ZNF544: variants seen among roughly 807,000 people sequenced by gnomAD.
ZNF544 encodes zinc finger protein AF020591.
Under a neutral mutation model 13.5 loss-of-function variants are expected in ZNF544, and 10 were observed. The ratio of observed to expected loss-of-function variants is 0.74; its 90% confidence interval spans 0.46 to 1.25. ZNF544 has a LOEUF of 1.25. ZNF544 is among the 50% of genes most tolerant of loss of function. The pLI is 0.00. For missense variants in ZNF544, 896 were observed against 845.6 expected (o/e 1.06, Z -0.74); for synonymous variants, 323 against 300.5 (o/e 1.07, Z -0.77).
intron 6 of ZNF544, among the ~76,000 whole-genome samples, chr19:58,255,483 T>C (rs2047097060): frequency 6.6e-6 from 1 of 152,040 alleles, no homozygotes; most frequent in Non-Finnish European, 1.5e-5. Flanking sequence ...CTGGCTGGGG[T>C]TGAGAATTTC....
At position 58,262,414 on chromosome 19, in the gene ZNF544, C is replaced by A; in HGVS notation, c.1808C>A (p.Pro603His). Residue 603 changes from proline (P) to histidine (H), a missense_variant, in exon 7 of 7, where the codon CCC becomes CAC. Physicochemically the swap from Pro to His is moderately conservative, Grantham distance 77. Coordinates refer to ENST00000687789, the MANE Select transcript of ZNF544 (RefSeq NM_014480.4). ...AAAAGAACTCACACTGGAGAAAAGC[C>A]CTATGAATGTAACGAGTGTGGAAAA... is the stretch of plus-strand genomic sequence containing the variant. ...AHKRTHTGEK[P>H]YECNECGKAF... 6.2e-7 allele frequency: 1 copy of A among 1,614,180 alleles called. No homozygotes were observed. The highest frequency in any genetic ancestry group is 8.5e-7 in the Non-Finnish European group (1 of 1,180,030).
At chr19:58,246,512 G>A in intron 5 of ZNF544, 85 bp downstream of exon 5, 1 of 1,561,128 alleles carries the variant, frequency 6.4e-7, no homozygotes, top group Non-Finnish European at 8.7e-7. Flanking sequence ...GGGATGTGCT[G>A]GAAGATACTG....
Position 58,262,959 on chromosome 19 carries a change from G to GT in ZNF544, c.*206dup, listed in dbSNP as rs1290275551. ...GCCTTCAATGATCGCTCAACCCTTA[G>GT]TAAACACGAGAGGACACACACTGGA... On this transcript the variant is annotated 3_prime_UTR_variant, in exon 7 of 7. Coordinates refer to ENST00000687789, the MANE Select transcript of ZNF544 (RefSeq NM_014480.4). The GT allele has an allele frequency of 4.8e-5, 66 of 1,370,838 alleles. No homozygotes were observed. The highest frequency in any genetic ancestry group is 6.0e-5 in the Non-Finnish European group (64 of 1,062,348). The allele number at this position is 1,370,838 out of a possible 1,614,324, so 84.9% of individuals were successfully genotyped here. A position where few individuals can be genotyped will look rare whatever the true frequency, so the allele number is the denominator to read the frequency against.
chr19:58,235,269 A>G (rs1284935725), intron 3 of ZNF544, among the ~76,000 whole-genome samples: 1 of 152,234 alleles, frequency 6.6e-6, no homozygotes, highest in Non-Finnish European at 1.5e-5. Flanking sequence ...TTGTATATGT[A>G]AATATATCTA....
intron 5 of ZNF544, chr19:58,276,275 T>C (rs1339285261): frequency 9.6e-7 from 1 of 1,042,264 alleles, no homozygotes. Context: ...TGGTGGCCAC[T>C]GTGCAGGGGA....
At chr19:58,238,043 C>T (rs2042801692) in intron 3 of ZNF544, among the ~76,000 whole-genome samples, 2 of 152,216 alleles carry the variant, frequency 1.3e-5, no homozygotes, top group African/African-American at 4.8e-5. Flanking sequence ...AGTGATTCTC[C>T]TGCCTCAGCC....
intron 3 of ZNF544, among the ~76,000 whole-genome samples, chr19:58,241,144 A>AATATATATATATTTTAATAT: frequency 1.4e-5 from 1 of 73,762 alleles, no homozygotes; most frequent in African/African-American, 5.4e-5. Context: ...GCCAATTTAA[A>AATATATATATATTTTAATAT]ATATATATAT....
At chr19:58,240,934 C>T (rs944026710) in intron 3 of ZNF544, among the ~76,000 whole-genome samples, 5 of 149,918 alleles carry the variant, frequency 3.3e-5, no homozygotes, top group Admixed American at 1.3e-4. Flanking sequence ...TTCTTTTTCT[C>T]CTTCTGTTTC....
Position 58,243,963 on chromosome 19 carries a change from A to G in ZNF544, c.-59-2A>G. ...TGAATCTCTGCTTGTTTTCCACCCC[A>G]GACTGGTCTTCTGAGGACCTCTGCC... is the stretch of plus-strand genomic sequence containing the variant. On this transcript the variant is annotated splice_acceptor_variant, in intron 3 of 6. Coordinates refer to ENST00000687789, the MANE Select transcript of ZNF544 (RefSeq NM_014480.4). LOFTEE classifies it low-confidence loss of function (5UTR_SPLICE). The G allele has an allele frequency of 6.4e-7, 1 of 1,568,182 alleles. No individual in the cohort carries two copies. Among genetic ancestry groups the G allele is most frequent in the East Asian group, 2.4e-5 (1 of 41,858 alleles).
chr19:58,236,836 G>C (rs1056542315), intron 3 of ZNF544, among the ~76,000 whole-genome samples: 2 of 151,536 alleles, frequency 1.3e-5, no homozygotes, highest in African/African-American at 4.9e-5. Context: ...CCATTCCCCG[G>C]GTTCAAACAA....
chr19:58,274,315 G>T (rs2051052436), intron 5 of ZNF544, among the ~76,000 whole-genome samples: 1 of 152,086 alleles, frequency 6.6e-6, no homozygotes, highest in Admixed American at 6.6e-5. Flanking sequence ...CTGAAATGAG[G>T]TCATTAGAGT....
intron 6 of ZNF544, chr19:58,247,662 C>T (rs1459131364): frequency 1.3e-5 from 2 of 152,110 alleles, no homozygotes; most frequent in Non-Finnish European, 2.9e-5. Flanking sequence ...TCCCAAAGTG[C>T]CGGGATTACA....
downstream of ZNF544, chr19:58,267,676 TA>T (rs56839702): frequency 2.7e-4 from 29 of 108,956 alleles, no homozygotes; most frequent in Non-Finnish European, 3.4e-4. Context: ...AGACTCCATC[TA>T]AAAAAAAAAA....
In ZNF544 at chr19:58,262,818, C is replaced by T; in HGVS notation, c.*64C>T. The T allele has an allele frequency of 1.3e-6, 2 of 1,530,602 alleles. No individual in the cohort carries two copies. The highest frequency in any genetic ancestry group is 1.3e-5 in the South Asian group (1 of 76,846). 94.8% of individuals were successfully genotyped at this position (1,530,602 alleles called of 1,614,324 possible). A position where few individuals can be genotyped will look rare whatever the true frequency, so the allele number is the denominator to read the frequency against. On this transcript the variant is annotated 3_prime_UTR_variant, in exon 7 of 7. Transcript: ENST00000687789. ...TCCCCTCATCATGCACCAGAGGACGCATGTCGGTGGGAAGAGCTATCAGTG... is the reference window on the plus strand; with the variant it reads ...TCCCCTCATCATGCACCAGAGGACGTATGTCGGTGGGAAGAGCTATCAGTG...
intron 1 of ZNF544, 65 bp from the exon 2 acceptor site, chr19:58,229,403 G>T (rs556747500): frequency 6.6e-6 from 1 of 152,230 alleles, no homozygotes; most frequent in Admixed American, 6.5e-5. Flanking sequence ...TGGGGCTGCC[G>T]ACCCAGCGGG....
intron 6 of ZNF544, 29 bp from the exon 7 acceptor site, chr19:58,260,821 AG>A: frequency 2.0e-6 from 3 of 1,488,232 alleles, no homozygotes; most frequent in Non-Finnish European, 2.7e-6. Flanking sequence ...ATGCTTCTCC[AG>A]TAACTTAGGC....
chr19:58,272,387 C>A (rs543635764), intron 5 of ZNF544, among the ~76,000 whole-genome samples: 1 of 151,878 alleles, frequency 6.6e-6, no homozygotes, highest in Non-Finnish European at 1.5e-5. Flanking sequence ...CATGGCAGGA[C>A]TCTGTCTCTG....
At chr19:58,244,181 G>C in intron 4 of ZNF544, 125 bp downstream of exon 4, 1 of 742,650 alleles carries the variant, frequency 1.3e-6, no homozygotes, top group Non-Finnish European at 2.1e-6. Flanking sequence ...GTGCTTCCCA[G>C]TGAAATGCTC....
chr19:58,260,830 G>A, intron 6 of ZNF544, 21 bp from the exon 7 acceptor site: 1 of 1,542,986 alleles, frequency 6.5e-7, no homozygotes, highest in Non-Finnish European at 8.7e-7. Context: ...CAGTAACTTA[G>A]GCATTTTGGA....
Sources: gnomAD v4.1 joint callset for allele counts (sites outside exome capture counted in the v4.1 genomes callset) on GRCh38, gnomAD v4.1.1 for gene constraint, MANE v1.5 for transcripts, NCBI Gene and HGNC (gene_info 2026-07-23, HGNC 2026-07-21) for gene names.